Variants in ERG observed in about 807,000 individuals in gnomAD.
ERG encodes ETS transcription factor ERG, also known as transcriptional regulator ERG.
A neutral mutation model predicts 55.3 loss-of-function variants in ERG; 9 were observed. That is an observed-to-expected ratio of 0.16 (90% CI 0.10 to 0.28). The LOEUF is 0.28. Ranked by LOEUF, ERG falls within the 10% of genes least tolerant of loss-of-function variation. The probability of loss-of-function intolerance (pLI) is 1.00; values close to 1 mark genes in which losing one functional copy is unlikely to be tolerated. For missense variants in ERG, 434 were observed against 631.6 expected, an observed-to-expected ratio of 0.69 and a Z score of 3.35; for synonymous variants, 223 against 237.3, an observed-to-expected ratio of 0.94 and a Z score of 0.55.
intron 1 of ERG, among the ~76,000 whole-genome samples, chr21:38,490,213 T>C (rs949294971): frequency 6.6e-6 from 1 of 151,894 alleles, no homozygotes; most frequent in East Asian, 1.9e-4. Flanking sequence ...AATTGGCTAA[T>C]TGAAAACAAA....
At chr21:38,470,486 T>C (rs1330343952) in intron 1 of ERG, among the ~76,000 whole-genome samples, 4 of 152,212 alleles carry the variant, frequency 2.6e-5, no homozygotes, top group Admixed American at 2.0e-4. Context: ...ATTATTTACT[T>C]GTAAAGATTC....
At chr21:38,632,829 A>G (rs2146959464) in intron 1 of ERG, among the ~76,000 whole-genome samples, 1 of 152,262 alleles carries the variant, frequency 6.6e-6, no homozygotes, top group East Asian at 1.9e-4. Flanking sequence ...GGAAAACAGT[A>G]TGGAGGGTCC....
At chr21:38,562,207 T>TTTTA (rs1555860407) in intron 2 of ERG, among the ~76,000 whole-genome samples, 39 of 152,140 alleles carry the variant, frequency 2.6e-4, no homozygotes, top group African/African-American at 9.4e-4. Context: ...TGTGTAGATA[T>TTTTA]TATATATATA....
At chr21:38,507,134 C>G (rs1405467013) in intron 2 of ERG, among the ~76,000 whole-genome samples, 2 of 152,142 alleles carry the variant, frequency 1.3e-5, no homozygotes, top group Admixed American at 6.5e-5. Flanking sequence ...ATGCACAATA[C>G]GAATTGCTAA....
chr21:38,406,023 C>T (rs1291926302), intron 3 of ERG, among the ~76,000 whole-genome samples: 2 of 151,674 alleles, frequency 1.3e-5, no homozygotes, highest in East Asian at 1.9e-4. Context: ...GGCATGGTGG[C>T]GGGTGCCTGT....
intron 1 of ERG, among the ~76,000 whole-genome samples, chr21:38,458,923 T>G (rs1307770985): frequency 6.6e-6 from 1 of 152,228 alleles, no homozygotes. Context: ...CTGGTCTCTT[T>G]GTTACCTACT....
chr21:38,547,351 C>T (rs977669449), intron 2 of ERG, among the ~76,000 whole-genome samples: 2 of 152,332 alleles, frequency 1.3e-5, no homozygotes, highest in Admixed American at 6.5e-5. Context: ...ACAAGATCTG[C>T]ATGGCCTCAA....
At chr21:38,588,552 G>T (rs1247439499), upstream of ERG, among the ~76,000 whole-genome samples, 1 of 152,062 alleles carries the variant, frequency 6.6e-6, no homozygotes, top group African/African-American at 2.4e-5. Flanking sequence ...TTGAGCTTGG[G>T]GCCCCAAGTT....
intron 2 of ERG, among the ~76,000 whole-genome samples, chr21:38,569,351 G>C (rs1337950155): frequency 6.6e-6 from 1 of 152,232 alleles, no homozygotes; most frequent in Non-Finnish European, 1.5e-5. Flanking sequence ...CCCAGCTTTG[G>C]AACAGGCACA....
rs1261630693 is a variant in ERG at position 38,468,982 on chromosome 21, C to CAAAAAAAAAAAAAAAA, written c.19-23377_19-23362dup. ...CCTGGGAGACAGCCAGACTCTGTCTCAAAAAAAAAAAAAAAAAAAGAAAAA... is the reference window on the plus strand; with the variant it reads ...CCTGGGAGACAGCCAGACTCTGTCTCAAAAAAAAAAAAAAAAAAAAAAAAAAAAAAAAAAAGAAAAA... On this transcript the variant is annotated intron_variant, in intron 1 of 9. Coordinates refer to ENST00000288319, the MANE Select transcript of ERG (RefSeq NM_182918.4). 1.6e-3 allele frequency among the ~76,000 whole-genome samples: 47 copies of CAAAAAAAAAAAAAAAA among 28,990 alleles called. 1 individual carries two copies. The highest frequency in any genetic ancestry group is 2.4e-3 in the Non-Finnish European group (35 of 14,840). 19.0% of individuals were successfully genotyped at this position (28,990 alleles called of 152,430 possible). A position where few individuals can be genotyped will look rare whatever the true frequency, so the allele number is the denominator to read the frequency against.
At chr21:38,481,071 G>C (rs1200972180) in intron 1 of ERG, among the ~76,000 whole-genome samples, 1 of 152,126 alleles carries the variant, frequency 6.6e-6, no homozygotes, top group South Asian at 2.1e-4. Flanking sequence ...ACAGTTAAGA[G>C]TATACTGAGC....
chr21:38,454,069 TCTTGACACTCAATA>T (rs1459667224), intron 1 of ERG, among the ~76,000 whole-genome samples: 1 of 152,200 alleles, frequency 6.6e-6, no homozygotes, highest in Non-Finnish European at 1.5e-5. Flanking sequence ...CTGTTTCTAC[TCTTGACACTCAATA>T]CTTGTTTTTG....
downstream of ERG, among the ~76,000 whole-genome samples, chr21:38,378,557 T>TAAG (rs1472650004): frequency 1.3e-5 from 2 of 152,232 alleles, no homozygotes; most frequent in Non-Finnish European, 2.9e-5. Context: ...CAATGGGTGA[T>TAAG]AAGGGTAATC....
intron 1 of ERG, among the ~76,000 whole-genome samples, chr21:38,653,122 A>G (rs1185383707): frequency 6.6e-6 from 1 of 152,002 alleles, no homozygotes; most frequent in Non-Finnish European, 1.5e-5. Context: ...GTCTGCCCCA[A>G]TTCCATGGCA....
At chr21:38,573,728 G>T (rs1003547298) in intron 2 of ERG, among the ~76,000 whole-genome samples, 1 of 152,184 alleles carries the variant, frequency 6.6e-6, no homozygotes, top group Non-Finnish European at 1.5e-5. Context: ...CTCAGAGGCC[G>T]GTGCCGGTGC....
chr21:38,540,087 G>T (rs886128020), intron 2 of ERG, among the ~76,000 whole-genome samples: 1 of 151,824 alleles, frequency 6.6e-6, no homozygotes, highest in Non-Finnish European at 1.5e-5. Flanking sequence ...GTAGATACGG[G>T]GTTTCACAAT....
At chr21:38,496,805 A>G (rs942243650) in intron 1 of ERG, among the ~76,000 whole-genome samples, 1 of 152,220 alleles carries the variant, frequency 6.6e-6, no homozygotes, top group Non-Finnish European at 1.5e-5. Context: ...CCTACCTTCT[A>G]AAGGATGGTC....
chr21:38,406,781 A>G (rs1988795207), intron 3 of ERG, among the ~76,000 whole-genome samples: 1 of 152,152 alleles, frequency 6.6e-6, no homozygotes, highest in Non-Finnish European at 1.5e-5. Context: ...TCTGAAAGCC[A>G]CTAGGTTCGT....
At chr21:38,589,375 T>A (rs2060086115), upstream of ERG, among the ~76,000 whole-genome samples, 1 of 152,170 alleles carries the variant, frequency 6.6e-6, no homozygotes, top group African/African-American at 2.4e-5. Flanking sequence ...CAGGTGGCAA[T>A]GGCAGCAGAC....
Sources: allele counts gnomAD v4.1 joint callset (sites outside exome capture counted in the v4.1 genomes callset), GRCh38; gene constraint gnomAD v4.1.1; transcripts MANE v1.5; gene names NCBI Gene and HGNC (gene_info 2026-07-23, HGNC 2026-07-21).